The following SMO variants were observed in gnomAD, a reference collection of about 807,000 sequenced individuals.
The protein encoded by SMO is smoothened, frizzled class receptor.
A neutral mutation model predicts 81.6 loss-of-function variants in SMO; 40 were observed. The observed-to-expected ratio is 0.49, with a 90% confidence interval of 0.38 to 0.64. The LOEUF (loss-of-function observed/expected upper bound fraction) is 0.64, where lower values mean the gene tolerates loss of function less well. SMO is among the 30% of genes least tolerant of loss of function. The pLI is 0.00. For synonymous variants in SMO, 434 were observed against 432.1 expected, an observed-to-expected ratio of 1.00 and a Z score of -0.05; for missense variants, 916 against 1,061.1, an observed-to-expected ratio of 0.86 and a Z score of 1.90.
rs1307683660 is a variant in SMO at position 129,210,549 on chromosome 7, G to A, written c.1652+1G>A. ...TCATCTGGAGGCGTACCTGGTGCAG[G>A]TGGGCATGGCAGCCAGCCCCTCCTG... On this transcript the variant is annotated splice_donor_variant, in intron 9 of 11. Transcript: ENST00000249373. LOFTEE classifies it high-confidence loss of function. The surrounding 1 kb of genome is among the most constrained non-coding windows in gnomAD (Gnocchi z 4.7). The A allele has an allele frequency of 6.2e-7, 1 of 1,612,416 alleles. No homozygotes were observed. Among genetic ancestry groups the A allele is most frequent in the Non-Finnish European group, 8.5e-7 (1 of 1,178,716 alleles).
In SMO at chr7:129,208,995, A is replaced by G; in HGVS notation, c.1357+144A>G. The G allele has an allele frequency of 3.1e-6, 2 of 648,532 alleles. No individual in the cohort carries two copies. The highest frequency in any genetic ancestry group is 3.5e-5 in the South Asian group (2 of 57,178). The allele number at this position is 648,532 out of a possible 1,614,324, so 40.2% of individuals were successfully genotyped here. A position where few individuals can be genotyped will look rare whatever the true frequency, so the allele number is the denominator to read the frequency against. ...AGGACAAGGGGTGTGTGTAGGTGGT[A>G]GTGGTAGTGGCAGCTCAAAAGAAGG... is the stretch of plus-strand genomic sequence containing the variant. On this transcript the variant is annotated intron_variant, in intron 7 of 11. Coordinates refer to ENST00000249373, the MANE Select transcript of SMO (RefSeq NM_005631.5). This position sits in a 1 kb window ranked among gnomAD's most constrained non-coding sequence, Gnocchi z 5.2.
At position 129,211,519 on chromosome 7, in the gene SMO, T is replaced by G; in HGVS notation, c.1802-117T>G. On this transcript the variant is annotated intron_variant, in intron 10 of 11. Transcript: ENST00000249373. The surrounding 1 kb of genome is among the most constrained non-coding windows in gnomAD (Gnocchi z 4.6). Reference sequence around the variant, plus strand: ...ATCACCGTGGTTACAGGGTGAGCTTTCTCTGGTGAGCAGGAGGGACTGGCT... The same window carrying G: ...ATCACCGTGGTTACAGGGTGAGCTTGCTCTGGTGAGCAGGAGGGACTGGCT... 8.6e-7 allele frequency: 1 copy of G among 1,166,096 alleles called. No homozygotes were observed. The allele number at this position is 1,166,096 out of a possible 1,614,324, so 72.2% of individuals were successfully genotyped here.
At chr7:129,199,540 G>C (rs1449910286) in intron 1 of SMO, among the ~76,000 whole-genome samples, 4 of 152,102 alleles carry the variant, frequency 2.6e-5, no homozygotes, top group African/African-American at 7.2e-5. Flanking sequence ...TTCAAGACCA[G>C]CCTGAGCAAC....
intron 1 of SMO, among the ~76,000 whole-genome samples, chr7:129,197,016 CAAAAAAAAAA>C (rs11445153): frequency 8.8e-6 from 1 of 113,412 alleles, no homozygotes; most frequent in Non-Finnish European, 1.7e-5. Context: ...GACACCGTCT[CAAAAAAAAAA>C]AAAAAAAAGA....
intron 1 of SMO, among the ~76,000 whole-genome samples, chr7:129,194,912 G>T (rs1005950564): frequency 6.6e-6 from 1 of 152,140 alleles, no homozygotes; most frequent in South Asian, 2.1e-4. Context: ...CTCCCAGGTA[G>T]CTGGGACCAT....
At position 129,212,881 on chromosome 7, in the gene SMO, C is replaced by A; in HGVS notation, c.*430C>A. On this transcript the variant is annotated 3_prime_UTR_variant, in exon 12 of 12. Coordinates refer to ENST00000249373, the MANE Select transcript of SMO (RefSeq NM_005631.5). This position sits in a 1 kb window ranked among gnomAD's most constrained non-coding sequence, Gnocchi z 5.0. Reference sequence around the variant, plus strand: ...TGCCGTTTTCTGGGCTGATGGGTGCCCTTTCCTGGCAGTCTCAGTCCAAAA... The same window carrying A: ...TGCCGTTTTCTGGGCTGATGGGTGCACTTTCCTGGCAGTCTCAGTCCAAAA... The A allele has an allele frequency of 3.5e-6, 1 of 283,868 alleles. No individual in the cohort carries two copies. The highest frequency in any genetic ancestry group is 6.6e-6 in the Non-Finnish European group (1 of 151,010). 17.6% of individuals were successfully genotyped at this position (283,868 alleles called of 1,614,324 possible).
chr7:129,210,900 C>T lies in SMO; in HGVS notation c.1653-65C>T, dbSNP rs2150654397. On this transcript the variant is annotated intron_variant, in intron 9 of 11. Transcript: ENST00000249373. This position sits in a 1 kb window ranked among gnomAD's most constrained non-coding sequence, Gnocchi z 4.7. Reference sequence around the variant, plus strand: ...TCTGGAAAGAATGGCATCGCTGGCCCTTCCCAAGATTTGATGGGAAGTGGC... The same window carrying T: ...TCTGGAAAGAATGGCATCGCTGGCCTTTCCCAAGATTTGATGGGAAGTGGC... 1 of 1,524,520 alleles carries T rather than the reference C, an allele frequency of 6.6e-7. No individual in the cohort carries two copies. The highest frequency in any genetic ancestry group is 1.4e-5 in the African/African-American group (1 of 72,466). The allele number at this position is 1,524,520 out of a possible 1,614,324, so 94.4% of individuals were successfully genotyped here.
At chr7:129,201,879 C>A (rs1482001761) in intron 1 of SMO, among the ~76,000 whole-genome samples, 1 of 152,060 alleles carries the variant, frequency 6.6e-6, no homozygotes, top group African/African-American at 2.4e-5. Flanking sequence ...CGGGGTTTCA[C>A]CTTGTTGGCC....
chr7:129,203,750 C>T (rs190674279), intron 2 of SMO, among the ~76,000 whole-genome samples, 161 bp downstream of exon 2: 1 of 152,330 alleles, frequency 6.6e-6, no homozygotes, highest in East Asian at 1.9e-4. Context: ...CTGCAGCTCA[C>T]TGGCTGGATC....
At chr7:129,197,327 G>A (rs1189285654) in intron 1 of SMO, among the ~76,000 whole-genome samples, 3 of 152,100 alleles carry the variant, frequency 2.0e-5, no homozygotes, top group South Asian at 2.1e-4. Flanking sequence ...TTGATGTTTG[G>A]TATAGGTTTT....
chr7:129,205,900 CTACTGCA>C (rs1004682134), intron 4 of SMO, 118 bp downstream of exon 4: 12 of 858,634 alleles, frequency 1.4e-5, no homozygotes, highest in Non-Finnish European at 2.2e-5. Context: ...TGGCTCTGCC[CTACTGCA>C]TACTGCATGC....
At chr7:129,194,331 T>G (rs1463384302) in intron 1 of SMO, among the ~76,000 whole-genome samples, 1 of 152,168 alleles carries the variant, frequency 6.6e-6, no homozygotes, top group Non-Finnish European at 1.5e-5. Flanking sequence ...GTGCCTGGAA[T>G]AGCTGGCACT....
In SMO at chr7:129,211,966, C is replaced by T. The variant is rs1015643922; in HGVS notation, c.1937-58C>T. 37 of 1,494,348 alleles carry T rather than the reference C, an allele frequency of 2.5e-5. No individual in the cohort carries two copies. Among genetic ancestry groups the T allele is most frequent in the South Asian group, 5.1e-5 (4 of 77,852 alleles). The allele number at this position is 1,494,348 out of a possible 1,614,324, so 92.6% of individuals were successfully genotyped here. Reference sequence around the variant, plus strand: ...AACAGGTTAAGTGCTCCCAGGGGAGCGGGGGTGGCATGGACAGAGCCAGGG... The same window carrying T: ...AACAGGTTAAGTGCTCCCAGGGGAGTGGGGGTGGCATGGACAGAGCCAGGG... On this transcript the variant is annotated intron_variant, in intron 11 of 11. Transcript: ENST00000249373. This position sits in a 1 kb window ranked among gnomAD's most constrained non-coding sequence, Gnocchi z 4.6.
At position 129,189,222 on chromosome 7, in the gene SMO, G is replaced by C. The variant is rs989530778; in HGVS notation, c.71G>C (p.Gly24Ala). The change falls in exon 1 of 12, where the codon GGG (glycine) becomes GCG (alanine). Residue 24 changes from glycine to alanine, a missense_variant. By Grantham distance (60) the Gly-to-Ala change is moderately conservative (BLOSUM62 0). This residue lies in a region of SMO where 146 missense variants were observed against 149.9 expected (regional missense o/e 0.97). Coordinates refer to ENST00000249373, the MANE Select transcript of SMO (RefSeq NM_005631.5). This position sits in a 1 kb window ranked among gnomAD's most constrained non-coding sequence, Gnocchi z 4.7. ...LLGLLLLLLL[G>A]DPGRGAASSG... is the part of the protein sequence containing the mutation. ...GGGCTGCTGCTGCTGCTGCTGCTGG[G>C]GGACCCGGGCCGGGGGGCGGCCTCG... The C allele has an allele frequency of 4.3e-6, 5 of 1,162,720 alleles. No homozygotes were observed. In the African/African-American group the frequency reaches 8.0e-5, roughly 19 times the overall value. The allele number at this position is 1,162,720 out of a possible 1,614,324, so 72.0% of individuals were successfully genotyped here.
intron 1 of SMO, among the ~76,000 whole-genome samples, chr7:129,195,654 G>A (rs1427653248): frequency 6.6e-6 from 1 of 152,178 alleles, no homozygotes; most frequent in Non-Finnish European, 1.5e-5. Flanking sequence ...ATGCAAGTAT[G>A]TGGGCTTATT....
chr7:129,202,783 C>T (rs757563174), intron 1 of SMO, among the ~76,000 whole-genome samples: 14 of 152,150 alleles, frequency 9.2e-5, no homozygotes, highest in Non-Finnish European at 1.9e-4. Context: ...GAAACATCTC[C>T]TGGCTCTAGC....
intron 1 of SMO, among the ~76,000 whole-genome samples, chr7:129,196,327 T>TTGTGTG (rs57674265): frequency 0.071 from 10,340 of 144,976 alleles, 587 homozygotes; most frequent in African/African-American, 0.16. Flanking sequence ...CTATTCTTGA[T>TTGTGTG]TGTGTGTGTG....
At chr7:129,194,306 C>T (rs546527949) in intron 1 of SMO, among the ~76,000 whole-genome samples, 2 of 152,180 alleles carry the variant, frequency 1.3e-5, no homozygotes, top group East Asian at 1.9e-4. Context: ...ACTCATTGTG[C>T]GCATGGTGCT....
intron 1 of SMO, among the ~76,000 whole-genome samples, chr7:129,198,271 A>T (rs1404284880): frequency 2.0e-5 from 3 of 152,196 alleles, no homozygotes; most frequent in Non-Finnish European, 4.4e-5. Flanking sequence ...AATTACTTTT[A>T]AAAAATAGGT....
Sources: gnomAD v4.1 joint callset for allele counts (sites outside exome capture counted in the v4.1 genomes callset) on GRCh38, gnomAD v4.1.1 for gene constraint, gnomAD v4.1.1 regional missense constraint, Gnocchi (gnomAD v3.1) non-coding constraint, MANE v1.5 for transcripts, NCBI Gene and HGNC (gene_info 2026-07-23, HGNC 2026-07-21) for gene names.